Variants in PSEN1 observed in about 807,000 individuals in gnomAD.
PSEN1 encodes the protein presenilin 1, also known as presenilin-1.
PSEN1 carries 15 observed loss-of-function variants against 53.5 expected under a neutral mutation model. The ratio of observed to expected loss-of-function variants is 0.28; its 90% CI spans 0.19 to 0.43. PSEN1 has a LOEUF of 0.43. Ranked by LOEUF, PSEN1 falls within the 20% of genes least tolerant of loss-of-function variation. The probability of loss-of-function intolerance (pLI) is 1.00; values close to 1 mark genes in which losing one functional copy is unlikely to be tolerated. For synonymous variants in PSEN1, 208 were observed against 209.8 expected, an observed-to-expected ratio of 0.99 and a Z score of 0.08; for missense variants, 387 against 571.2, an observed-to-expected ratio of 0.68 and a Z score of 3.29.
intron 7 of PSEN1, among the ~76,000 whole-genome samples, 173 bp downstream of exon 7, chr14:73,193,037 A>G (rs898272242): frequency 1.3e-5 from 2 of 152,164 alleles, no homozygotes; most frequent in African/African-American, 4.8e-5. Context: ...TCGGCTGGGC[A>G]TGGTAGCTCA....
intron 9 of PSEN1, among the ~76,000 whole-genome samples, chr14:73,207,653 A>G (rs1899505670): frequency 6.6e-6 from 1 of 152,230 alleles, no homozygotes; most frequent in African/African-American, 2.4e-5. Flanking sequence ...TTAGGGTGTG[A>G]CTTTGCTAGC....
At chr14:73,201,303 G>T (rs1257391296) in intron 8 of PSEN1, among the ~76,000 whole-genome samples, 1 of 152,106 alleles carries the variant, frequency 6.6e-6, no homozygotes, top group East Asian at 1.9e-4. Flanking sequence ...AGCCAGGATG[G>T]TCTCGATCTC....
At chr14:73,194,050 G>GT (rs1313522542) in intron 7 of PSEN1, among the ~76,000 whole-genome samples, 1 of 152,190 alleles carries the variant, frequency 6.6e-6, no homozygotes, top group Non-Finnish European at 1.5e-5. Context: ...TTTGGACAGT[G>GT]TGAGATTCAC....
In PSEN1 at chr14:73,223,292, T is replaced by A. The variant is rs991776987; in HGVS notation, c.*4003T>A. On this transcript the variant is annotated 3_prime_UTR_variant, in exon 12 of 12. Coordinates refer to ENST00000324501, the MANE Select transcript of PSEN1 (RefSeq NM_000021.4). ...GGGCAGCAGGGTGCCTCTTAGTGGA[T>A]GTGCTGGGTCCACCCTGAGCCCTGA... 1 of 152,246 alleles carries A rather than the reference T, an allele frequency of 6.6e-6. No individual in the cohort carries two copies. Among genetic ancestry groups the A allele is most frequent in the Non-Finnish European group, 1.5e-5 (1 of 68,062 alleles). 9.4% of individuals were successfully genotyped at this position (152,246 alleles called of 1,614,324 possible).
intron 1 of PSEN1, among the ~76,000 whole-genome samples, chr14:73,138,975 G>A (rs190932247): frequency 0.1 from 14,279 of 138,926 alleles, 805 homozygotes; most frequent in African/African-American, 0.17. Flanking sequence ...AAGAAAAAAA[G>A]AAAAAAAATG....
intron 5 of PSEN1, among the ~76,000 whole-genome samples, chr14:73,178,065 C>T (rs1337528166): frequency 6.8e-6 from 1 of 146,916 alleles, no homozygotes; most frequent in Admixed American, 6.8e-5. Flanking sequence ...ATTACGGGTG[C>T]CTGCCACCAT....
intron 3 of PSEN1, among the ~76,000 whole-genome samples, chr14:73,162,618 C>A (rs1380340943): frequency 6.6e-6 from 1 of 151,944 alleles, no homozygotes; most frequent in East Asian, 1.9e-4. Context: ...GTTGACTATG[C>A]CACTGCACTG....
chr14:73,140,170 G>A (rs974595985), intron 1 of PSEN1, among the ~76,000 whole-genome samples: 4 of 145,724 alleles, frequency 2.7e-5, no homozygotes, highest in Admixed American at 6.9e-5. Context: ...TCTGAAATCC[G>A]AAAACTAAAA....
At chr14:73,174,038 T>C (rs966036171) in intron 5 of PSEN1, 2 of 454,062 alleles carry the variant, frequency 4.4e-6, no homozygotes, top group South Asian at 4.0e-5. Context: ...ATGGAATCTA[T>C]ATGTCATGAA....
At position 73,171,031 on chromosome 14, in the gene PSEN1, C is replaced by T. The variant is rs200576075; in HGVS notation, c.322C>T (p.Arg108Trp). Residue 108 changes from arginine (R) to tryptophan (W), a missense_variant, in exon 4 of 12, where the codon CGG becomes TGG. Transcript: ENST00000324501. ...ATIKSVSFYTRKDGQLIYTPF... is the reference protein window; with the variant it reads ...ATIKSVSFYTWKDGQLIYTPF... ...CATTAAGTCAGTCAGCTTTTATACCCGGAAGGATGGGCAGCTGTACGTATG... is the reference window on the plus strand; with the variant it reads ...CATTAAGTCAGTCAGCTTTTATACCTGGAAGGATGGGCAGCTGTACGTATG... 3.1e-6 allele frequency: 5 copies of T among 1,614,122 alleles called. No individual in the cohort carries two copies. The highest frequency in any genetic ancestry group is 3.4e-6 in the Non-Finnish European group (4 of 1,180,016).
intron 3 of PSEN1, chr14:73,168,096 C>T (rs778499746): frequency 5.3e-5 from 8 of 152,172 alleles, no homozygotes; most frequent in Non-Finnish European, 8.8e-5. Flanking sequence ...TGGCTCACTC[C>T]TATAATCCCA....
In PSEN1 at chr14:73,170,820, G is replaced by A. The variant is rs1897863594; in HGVS notation, c.111G>A (p.Glu37=). ...AGAATGACAATAGAGAACGGCAGGA[G>A]CACAACGACAGACGGAGCCTTGGCC... The part of the protein sequence containing the change: ...RSQNDNRERQ[E]HNDRRSLGHP... The change falls in exon 4 of 12, where the codon GAG becomes GAA. Residue 37 remains glutamate (E), a synonymous_variant. Transcript: ENST00000324501. 2 of 1,614,092 alleles carry A rather than the reference G, an allele frequency of 1.2e-6. No individual in the cohort carries two copies. The highest frequency in any genetic ancestry group is 1.7e-6 in the Non-Finnish European group (2 of 1,179,944).
intron 3 of PSEN1, among the ~76,000 whole-genome samples, chr14:73,151,423 T>C (rs1359435617): frequency 6.6e-6 from 1 of 152,160 alleles, no homozygotes; most frequent in Non-Finnish European, 1.5e-5. Context: ...CCAAAGTGTA[T>C]ATTGCAGGCC....
At chr14:73,155,591 A>G (rs886624939) in intron 3 of PSEN1, among the ~76,000 whole-genome samples, 1 of 152,034 alleles carries the variant, frequency 6.6e-6, no homozygotes, top group Non-Finnish European at 1.5e-5. Flanking sequence ...GCAGCCTGTA[A>G]GTCCTGGGCT....
intron 10 of PSEN1, among the ~76,000 whole-genome samples, chr14:73,214,193 C>T (rs952559766): frequency 3.9e-5 from 6 of 152,192 alleles, no homozygotes; most frequent in Non-Finnish European, 8.8e-5. Context: ...GAGCTTGTTA[C>T]TGGCATGTTG....
chr14:73,184,716 G>A (rs1399447236), intron 5 of PSEN1, among the ~76,000 whole-genome samples: 10 of 123,396 alleles, frequency 8.1e-5, no homozygotes, highest in African/African-American at 1.5e-4. Flanking sequence ...CCTCCCTCCC[G>A]GATGGGGCGG....
chr14:73,213,332 C>T (rs1899777806), intron 10 of PSEN1, among the ~76,000 whole-genome samples: 1 of 152,144 alleles, frequency 6.6e-6, no homozygotes, highest in Non-Finnish European at 1.5e-5. Context: ...ATAATTCTTT[C>T]ATGACTGCCT....
intron 1 of PSEN1, among the ~76,000 whole-genome samples, chr14:73,139,917 A>G (rs1896870784): frequency 6.6e-6 from 1 of 152,186 alleles, no homozygotes; most frequent in Admixed American, 6.6e-5. Context: ...GTTTAAGTTG[A>G]TCAAAGCAAA....
chr14:73,210,214 T>C lies in PSEN1; in HGVS notation c.956-1555T>C, dbSNP rs116443630. ...AGGATAAATTAGTCATAGATAATAA[T>C]ATAAAATTCATCAGTGGAAAAAAAT... On this transcript the variant is annotated intron_variant, in intron 9 of 11. Coordinates refer to ENST00000324501, the MANE Select transcript of PSEN1 (RefSeq NM_000021.4). Among the ~76,000 whole-genome samples, 175 of 152,270 alleles carry C rather than the reference T, an allele frequency of 1.1e-3. 2 individuals are homozygous for C. Among genetic ancestry groups the C allele is most frequent in the African/African-American group, 4.0e-3 (165 of 41,560 alleles).
Sources: gnomAD v4.1 joint callset for allele counts (sites outside exome capture counted in the v4.1 genomes callset) on GRCh38, gnomAD v4.1.1 for gene constraint, MANE v1.5 for transcripts, NCBI Gene and HGNC (gene_info 2026-07-23, HGNC 2026-07-21) for gene names.